Variants in PCDHGB3 observed in about 807,000 individuals in gnomAD.
The protein encoded by PCDHGB3 is protocadherin gamma subfamily B, 3.
In PCDHGB3, 40 loss-of-function variants were observed where a neutral mutation model predicts 59.2. The ratio of observed to expected loss-of-function variants is 0.68; its 90% CI spans 0.52 to 0.88. The LOEUF (loss-of-function observed/expected upper bound fraction) is 0.88. Among genes scored for constraint, PCDHGB3 ranks in the 40% least tolerant of loss-of-function variants. The pLI is 0.00. For synonymous variants in PCDHGB3, 581 were observed against 503.6 expected, an observed-to-expected ratio of 1.15 and a Z score of -2.06; for missense variants, 1,309 against 1,187.9, an observed-to-expected ratio of 1.10 and a Z score of -1.50.
At chr5:141,394,743 G>A (rs928437652) in intron 1 of PCDHGB3, 4 of 1,613,314 alleles carry the variant, frequency 2.5e-6, no homozygotes, top group Non-Finnish European at 3.4e-6. Flanking sequence ...GAGCCTCGTG[G>A]TGGCCGTCCA....
intron 1 of PCDHGB3, chr5:141,395,325 G>T (rs1261775810): frequency 6.8e-7 from 1 of 1,473,892 alleles, no homozygotes; most frequent in Admixed American, 2.5e-5. Context: ...GAAGATAGTT[G>T]AAAATAATTT....
At chr5:141,376,773 G>A (rs1773367206) in intron 1 of PCDHGB3, 1 of 400,602 alleles carries the variant, frequency 2.5e-6, no homozygotes, top group East Asian at 5.1e-5. Context: ...TGCAAGCTCC[G>A]CTTCCCGGGT....
chr5:141,428,222 C>A, intron 1 of PCDHGB3: 1 of 1,173,442 alleles, frequency 8.5e-7, no homozygotes, highest in Non-Finnish European at 1.2e-6. Flanking sequence ...CTAGTCTTCG[C>A]AGACAGCCTG....
In PCDHGB3 at chr5:141,511,074, C is replaced by G; in HGVS notation, c.2691C>G (p.Ser897Arg). 1.2e-6 allele frequency: 2 copies of G among 1,614,238 alleles called. No homozygotes were observed. The highest frequency in any genetic ancestry group is 1.7e-6 in the Non-Finnish European group (2 of 1,180,040). ...GCCAGAATGTCTACATCCCAGGCAGCAATGCCACACTGACCAACGCAGCTG... is the reference window on the plus strand; with the variant it reads ...GCCAGAATGTCTACATCCCAGGCAGGAATGCCACACTGACCAACGCAGCTG... The part of the protein sequence containing the change: ...DYRQNVYIPG[S>R]NATLTNAAGK... Residue 897 changes from serine (S) to arginine (R), a missense_variant, in exon 4 of 4, where the codon AGC becomes AGG. Coordinates refer to ENST00000576222, the MANE Select transcript of PCDHGB3 (RefSeq NM_018924.5).
chr5:141,506,162 C>T (rs1448735916), intron 3 of PCDHGB3, among the ~76,000 whole-genome samples: 1 of 152,124 alleles, frequency 6.6e-6, no homozygotes, highest in Non-Finnish European at 1.5e-5. Flanking sequence ...CTTAAGAGCA[C>T]AGCCTAAGCT....
rs200931939 is a variant in PCDHGB3, at chr5:141,423,096, C to T, written c.2415+50287C>T. On this transcript the variant is annotated intron_variant, in intron 1 of 3. Transcript: ENST00000576222. Reference sequence around the variant, plus strand: ...CGGGACTCTTCGCGGTGGGGGAGCACACGGGCGAGGTGCGTACAGCGCGGG... The same window carrying T: ...CGGGACTCTTCGCGGTGGGGGAGCATACGGGCGAGGTGCGTACAGCGCGGG... The T allele has an allele frequency of 3.8e-5, 61 of 1,613,974 alleles. No individual in the cohort carries two copies. In the East Asian group the frequency reaches 1.3e-3, roughly 35 times the overall value.
chr5:141,400,299 A>C, intron 1 of PCDHGB3: 1 of 1,613,834 alleles, frequency 6.2e-7, no homozygotes, highest in South Asian at 1.1e-5. Context: ...GCTGCTTCCA[A>C]CCTGGTCTCT....
At chr5:141,480,240 C>CA (rs11374694) in intron 1 of PCDHGB3, among the ~76,000 whole-genome samples, 21,591 of 113,808 alleles carry the variant, frequency 0.19, 1,578 homozygotes, top group Admixed American at 0.21. Context: ...CCTGTCTCTA[C>CA]AAAAAAAAAA....
chr5:141,473,479 G>GA (rs150184379), intron 1 of PCDHGB3, among the ~76,000 whole-genome samples: 6,877 of 152,218 alleles, frequency 0.045, 184 homozygotes, highest in Middle Eastern at 0.088. Flanking sequence ...AAGTTCAATG[G>GA]AAAAAATATA....
At chr5:141,413,389 T>C (rs370906684) in intron 1 of PCDHGB3, 1 of 1,613,986 alleles carries the variant, frequency 6.2e-7, no homozygotes, top group South Asian at 1.1e-5. Context: ...CCGCATAGTC[T>C]CCAGAGGTAG....
At chr5:141,402,534 TAC>T (rs2094278313) in intron 1 of PCDHGB3, among the ~76,000 whole-genome samples, 1 of 152,346 alleles carries the variant, frequency 6.6e-6, no homozygotes, top group Non-Finnish European at 1.5e-5. Context: ...GATTTTATAA[TAC>T]ACTTACAGAA....
chr5:141,398,212 C>T, intron 1 of PCDHGB3: 1 of 1,484,360 alleles, frequency 6.7e-7, no homozygotes, highest in South Asian at 1.3e-5. Flanking sequence ...CTGCCCGGCG[C>T]TCTGTGAGCA....
At chr5:141,390,029 C>A in intron 1 of PCDHGB3, 1 of 1,614,086 alleles carries the variant, frequency 6.2e-7, no homozygotes, top group Non-Finnish European at 8.5e-7. Flanking sequence ...GCCTGCGACG[C>A]TCCTCCAGCC....
intron 1 of PCDHGB3, chr5:141,476,000 T>A (rs2099383773): frequency 1.6e-6 from 2 of 1,225,380 alleles, no homozygotes; most frequent in African/African-American, 1.5e-5. Flanking sequence ...ATCAACGGCA[T>A]CCAGAAAGCC....
intron 2 of PCDHGB3, among the ~76,000 whole-genome samples, chr5:141,504,078 CCAAA>C (rs1272625151): frequency 6.6e-6 from 1 of 152,078 alleles, no homozygotes; most frequent in South Asian, 2.1e-4. Context: ...CCAGATGGTG[CCAAA>C]CAGTTACCTA....
chr5:141,449,900 A>G (rs2098658617), intron 1 of PCDHGB3, among the ~76,000 whole-genome samples: 2 of 151,878 alleles, frequency 1.3e-5, no homozygotes, highest in South Asian at 2.1e-4. Context: ...TATTTAGCCT[A>G]TAGTCCATAT....
At chr5:141,510,879 G>T in intron 3 of PCDHGB3, 68 bp from the exon 4 acceptor site, 1 of 1,611,520 alleles carries the variant, frequency 6.2e-7, no homozygotes, top group Non-Finnish European at 8.5e-7. Flanking sequence ...TAACTGCTGG[G>T]GATATAAGAC....
intron 1 of PCDHGB3, chr5:141,378,349 C>T (rs1774833758): frequency 6.6e-6 from 1 of 152,158 alleles, no homozygotes; most frequent in African/African-American, 2.4e-5. Flanking sequence ...ATGGTGAAAC[C>T]CCGTCTCTAC....
At chr5:141,391,707 C>T (rs1004180070) in intron 1 of PCDHGB3, 1 of 152,154 alleles carries the variant, frequency 6.6e-6, no homozygotes, top group African/African-American at 2.4e-5. Context: ...CCAGGCTGGT[C>T]TTGAAGGGAA....
Sources: gnomAD v4.1 joint callset for allele counts (sites outside exome capture counted in the v4.1 genomes callset) on GRCh38, gnomAD v4.1.1 for gene constraint, MANE v1.5 for transcripts, NCBI Gene and HGNC (gene_info 2026-07-23, HGNC 2026-07-21) for gene names.